The following ATP2A2 variants were observed in gnomAD, a reference collection of about 807,000 sequenced individuals.
ATP2A2 encodes the protein ATPase sarcoplasmic/endoplasmic reticulum Ca2+ transporting 2.
ATP2A2 carries 14 observed loss-of-function variants against 109.3 expected under a neutral mutation model. That is an observed-to-expected ratio of 0.13 (90% CI 0.08 to 0.20). ATP2A2 has a LOEUF of 0.20. Ranked by LOEUF, ATP2A2 falls within the 10% of genes least tolerant of loss-of-function variation. The pLI is 1.00. For synonymous variants in ATP2A2, 506 were observed against 490.9 expected (o/e 1.03, Z -0.41); for missense variants, 657 against 1,321.6 (o/e 0.50, Z 7.80).
At chr12:110,286,605 A>G (rs1453901755) in intron 3 of ATP2A2, among the ~76,000 whole-genome samples, 7 of 151,928 alleles carry the variant, frequency 4.6e-5, no homozygotes, top group African/African-American at 1.7e-4. Context: ...CCGTTTTATT[A>G]ATGACTGAAA....
Position 110,348,360 on chromosome 12 carries a change from C to CA in ATP2A2, c.*1895dup. 1.0e-6 allele frequency: 1 copy of CA among 985,348 alleles called. No individual in the cohort carries two copies. 61.0% of individuals were successfully genotyped at this position (985,348 alleles called of 1,614,324 possible). The stretch of plus-strand genomic sequence containing the variant: ...TAGTAGGACGTGGCTCTGCACAGCC[C>CA]AAAAACCAGCTTACTCCTTAGCCAG... On this transcript the variant is annotated 3_prime_UTR_variant, in exon 20 of 20. Transcript: ENST00000539276.
intron 11 of ATP2A2, among the ~76,000 whole-genome samples, chr12:110,338,581 C>CCTGAGTAGCTGGGATTACAG (rs1879061711): frequency 6.6e-6 from 1 of 152,156 alleles, no homozygotes; most frequent in East Asian, 1.9e-4. Flanking sequence ...GCCTCGGCCT[C>CCTGAGTAGCTGGGATTACAG]CTGAGTAGCT....
chr12:110,293,872 T>TA (rs1566204070), intron 4 of ATP2A2, among the ~76,000 whole-genome samples: 10 of 80,710 alleles, frequency 1.2e-4, no homozygotes, highest in Admixed American at 2.5e-4. Flanking sequence ...GTGTATATAT[T>TA]TTTTTTTTTT....
intron 4 of ATP2A2, among the ~76,000 whole-genome samples, 198 bp downstream of exon 4, chr12:110,292,322 A>G (rs1369831663): frequency 6.6e-6 from 1 of 152,190 alleles, no homozygotes; most frequent in African/African-American, 2.4e-5. Context: ...GCTGGAGTGC[A>G]ATGGTGTTGT....
In ATP2A2 at chr12:110,339,768, G is replaced by A; in HGVS notation, c.1761+47G>A. The A allele has an allele frequency of 1.9e-6, 3 of 1,579,640 alleles. No individual in the cohort carries two copies. Among genetic ancestry groups the A allele is most frequent in the East Asian group, 2.2e-5 (1 of 44,710 alleles). On this transcript the variant is annotated intron_variant, in intron 13 of 19. Coordinates refer to ENST00000539276, the MANE Select transcript of ATP2A2 (RefSeq NM_170665.4). This position sits in a 1 kb window ranked among gnomAD's most constrained non-coding sequence, Gnocchi z 4.4. ...TTGTCCACACCCTGCACGATTCATTGTGTTTAAACAGTACTCCTTCAAGCA... is the reference window on the plus strand; with the variant it reads ...TTGTCCACACCCTGCACGATTCATTATGTTTAAACAGTACTCCTTCAAGCA...
intron 5 of ATP2A2, among the ~76,000 whole-genome samples, chr12:110,315,739 G>C (rs1031849703): frequency 2.0e-5 from 3 of 152,144 alleles, no homozygotes; most frequent in Admixed American, 6.5e-5. Context: ...TTGGGAGTTC[G>C]AGACCAGCCT....
rs1592795871 is a variant in ATP2A2 at position 110,292,061 on chromosome 12, C to T, written c.261C>T (p.Ala87=). Residue 87 remains alanine, a synonymous_variant, in exon 4 of 20, where the codon GCC becomes GCT. Transcript: ENST00000539276. ...AAGAAGGTGAAGAAACAATTACAGCCTTTGTAGAACCTTTTGTAATTTTAC... is the reference window on the plus strand; with the variant it reads ...AAGAAGGTGAAGAAACAATTACAGCTTTTGTAGAACCTTTTGTAATTTTAC... ...WFEEGEETIT[A]FVEPFVILLI... is the part of the protein sequence containing the mutation. The T allele has an allele frequency of 6.2e-7, 1 of 1,614,146 alleles. No homozygotes were observed. The highest frequency in any genetic ancestry group is 8.5e-7 in the Non-Finnish European group (1 of 1,180,026).
intron 5 of ATP2A2, 22 bp from the exon 6 acceptor site, chr12:110,322,970 G>A (rs746501282): frequency 1.4e-5 from 22 of 1,575,654 alleles, no homozygotes; most frequent in African/African-American, 5.4e-5. Context: ...CATTTCAGCC[G>A]CCTTTTTTTT....
intron 11 of ATP2A2, among the ~76,000 whole-genome samples, chr12:110,338,184 AT>A (rs1294277803): frequency 2.0e-5 from 3 of 152,130 alleles, no homozygotes; most frequent in African/African-American, 7.2e-5. Context: ...AGTTACTCCC[AT>A]GATCTCTTCT....
intron 3 of ATP2A2, among the ~76,000 whole-genome samples, chr12:110,286,507 G>GT (rs1872676939): frequency 6.6e-6 from 1 of 152,096 alleles, no homozygotes; most frequent in Non-Finnish European, 1.5e-5. Context: ...TAAAAAGATT[G>GT]TTTTCTCATG....
intron 5 of ATP2A2, among the ~76,000 whole-genome samples, chr12:110,316,632 TCTG>T (rs1876697204): frequency 1.3e-5 from 2 of 152,222 alleles, no homozygotes. Flanking sequence ...TCTGAGTGAC[TCTG>T]CCTTTATGGA....
chr12:110,299,329 A>C (rs1030716578), intron 5 of ATP2A2, among the ~76,000 whole-genome samples: 5 of 152,092 alleles, frequency 3.3e-5, no homozygotes, highest in African/African-American at 7.2e-5. Flanking sequence ...GGTGATGAAG[A>C]AAATAGGTCA....
In ATP2A2 at chr12:110,316,887, G is replaced by A. The variant is rs60730125; in HGVS notation, c.464-6105G>A. On this transcript the variant is annotated intron_variant, in intron 5 of 19. Coordinates refer to ENST00000539276, the MANE Select transcript of ATP2A2 (RefSeq NM_170665.4). ...GACAGGCAAACAGCACTTGGGTCAT[G>A]GAGGCTGTTATAAGCCCGGGTTGGG... is the stretch of plus-strand genomic sequence containing the variant. Among the ~76,000 whole-genome samples the A allele has an allele frequency of 1.2e-3, 178 of 152,310 alleles. 4 individuals are homozygous for A. In the East Asian group the frequency reaches 0.029, roughly 25 times the overall value.
Position 110,350,736 on chromosome 12 carries a change from A to G in ATP2A2, c.*4266A>G, listed in dbSNP as rs1439197151. 1 of 242,184 alleles carries G rather than the reference A, an allele frequency of 4.1e-6. No individual in the cohort carries two copies. Among genetic ancestry groups the G allele is most frequent in the African/African-American group, 2.3e-5 (1 of 44,354 alleles). The allele number at this position is 242,184 out of a possible 1,614,324, so 15.0% of individuals were successfully genotyped here. On this transcript the variant is annotated 3_prime_UTR_variant, in exon 20 of 20. Transcript: ENST00000539276. ...CTCTCCAGTGACATTGGAACATGCT[A>G]CTTTTTAATTGGCCCTGTACAGTTT...
At chr12:110,332,787 G>T in intron 9 of ATP2A2, 102 bp downstream of exon 9, 1 of 1,075,356 alleles carries the variant, frequency 9.3e-7, no homozygotes. Context: ...TCTGAATGTG[G>T]CTCAAGTCAA....
At chr12:110,329,103 A>G (rs1878087009) in intron 8 of ATP2A2, among the ~76,000 whole-genome samples, 1 of 152,240 alleles carries the variant, frequency 6.6e-6, no homozygotes, top group Non-Finnish European at 1.5e-5. Flanking sequence ...CTGAAATGAA[A>G]TGGTTCAGTA....
At chr12:110,328,210 A>C (rs1473940059) in intron 8 of ATP2A2, among the ~76,000 whole-genome samples, 193 bp downstream of exon 8, 6 of 152,108 alleles carry the variant, frequency 3.9e-5, no homozygotes, top group African/African-American at 1.4e-4. Flanking sequence ...AATACAGGAT[A>C]TCTGTATGGC....
intron 6 of ATP2A2, among the ~76,000 whole-genome samples, chr12:110,324,567 G>A (rs887116325): frequency 2.0e-5 from 3 of 152,172 alleles, no homozygotes; most frequent in Admixed American, 6.5e-5. Flanking sequence ...GATTATAGGC[G>A]TGCGCCACCA....
At chr12:110,301,669 T>C (rs1238335588) in intron 5 of ATP2A2, among the ~76,000 whole-genome samples, 1 of 152,236 alleles carries the variant, frequency 6.6e-6, no homozygotes, top group Non-Finnish European at 1.5e-5. Context: ...CCAGAGTGGT[T>C]TCTTAAAGGT....
Sources: gnomAD v4.1 joint callset for allele counts (sites outside exome capture counted in the v4.1 genomes callset) on GRCh38, gnomAD v4.1.1 for gene constraint, Gnocchi (gnomAD v3.1) non-coding constraint, MANE v1.5 for transcripts, NCBI Gene and HGNC (gene_info 2026-07-23, HGNC 2026-07-21) for gene names.